SLIT3: variants seen among roughly 807,000 people sequenced by gnomAD.
SLIT3 encodes slit homolog 3 protein.
Under a neutral mutation model 184.0 loss-of-function variants are expected in SLIT3, and 68 were observed. That is an observed-to-expected ratio of 0.37 (90% CI 0.30 to 0.45). The LOEUF (loss-of-function observed/expected upper bound fraction) is 0.45, where lower values mean the gene tolerates loss of function less well. Among genes scored for constraint, SLIT3 ranks in the 20% least tolerant of loss-of-function variants. The pLI, the probability that SLIT3 is intolerant of heterozygous loss-of-function variation, is 1.00. For synonymous variants in SLIT3, 831 were observed against 828.6 expected, an observed-to-expected ratio of 1.00 and a Z score of -0.05; for missense variants, 1,707 against 2,026.0, an observed-to-expected ratio of 0.84 and a Z score of 3.02.
intron 4 of SLIT3, among the ~76,000 whole-genome samples, chr5:168,906,307 C>T (rs990090680): frequency 1.2e-4 from 18 of 152,114 alleles, no homozygotes; most frequent in African/African-American, 2.9e-4. Flanking sequence ...TTGTCTCTAG[C>T]GATAAAGGAA....
chr5:168,798,951 C>G (rs1295363974), intron 9 of SLIT3, among the ~76,000 whole-genome samples: 2 of 152,190 alleles, frequency 1.3e-5, no homozygotes, highest in Non-Finnish European at 2.9e-5. Context: ...AGAGGTTGAG[C>G]TGGGTCTCAA....
intron 8 of SLIT3, among the ~76,000 whole-genome samples, chr5:168,811,928 A>G (rs1757169082): frequency 6.6e-6 from 1 of 152,242 alleles, no homozygotes; most frequent in African/African-American, 2.4e-5. Flanking sequence ...TCATTGCAGC[A>G]TTAGTCACAG....
intron 4 of SLIT3, among the ~76,000 whole-genome samples, chr5:169,168,061 A>G (rs974851465): frequency 6.6e-6 from 1 of 152,212 alleles, no homozygotes; most frequent in African/African-American, 2.4e-5. Context: ...AAAGACTGGC[A>G]CAAACATGAG....
intron 20 of SLIT3, among the ~76,000 whole-genome samples, chr5:168,739,739 C>G (rs1279800129): frequency 2.6e-5 from 4 of 152,218 alleles, no homozygotes; most frequent in Admixed American, 1.3e-4. Flanking sequence ...AGCCACCGCA[C>G]CCGGCTCCTC....
chr5:168,820,958 C>G (rs761502200), intron 7 of SLIT3, among the ~76,000 whole-genome samples: 2 of 152,140 alleles, frequency 1.3e-5, no homozygotes, highest in South Asian at 2.1e-4. Context: ...AGCCGTCCCC[C>G]CCAACCCCAT....
chr5:168,873,555 A>T (rs1276642995), intron 5 of SLIT3, among the ~76,000 whole-genome samples: 1 of 152,038 alleles, frequency 6.6e-6, no homozygotes, highest in Admixed American at 6.6e-5. Context: ...GCTTGAGCCC[A>T]GGAGGCAGAG....
At chr5:169,268,959 G>A (rs1185113736) in intron 1 of SLIT3, among the ~76,000 whole-genome samples, 4 of 152,136 alleles carry the variant, frequency 2.6e-5, no homozygotes, top group Non-Finnish European at 5.9e-5. Context: ...TATTATGAAA[G>A]CCAAAAATAG....
intron 3 of SLIT3, among the ~76,000 whole-genome samples, chr5:169,229,387 C>T (rs982880377): frequency 2.0e-5 from 3 of 152,166 alleles, no homozygotes; most frequent in East Asian, 1.9e-4. Context: ...AACGATAACT[C>T]GCATTGTTTT....
intron 4 of SLIT3, among the ~76,000 whole-genome samples, chr5:168,971,902 G>A (rs186425166): frequency 0.039 from 5,896 of 152,192 alleles, 159 homozygotes; most frequent in Middle Eastern, 0.065. Context: ...AGGCTACCTC[G>A]GGGAGCGAGA....
intron 4 of SLIT3, among the ~76,000 whole-genome samples, chr5:169,182,021 G>A (rs758008493): frequency 1.3e-5 from 2 of 152,030 alleles, no homozygotes; most frequent in Non-Finnish European, 2.9e-5. Flanking sequence ...CCCCAGACAC[G>A]CCAACAAGAG....
intron 4 of SLIT3, among the ~76,000 whole-genome samples, chr5:168,922,569 T>A (rs1470776104): frequency 6.8e-6 from 1 of 148,036 alleles, no homozygotes; most frequent in Non-Finnish European, 1.5e-5. Context: ...GATTAAGGAG[T>A]CTGCAAGGGG....
At chr5:169,135,999 C>T (rs1464484914) in intron 4 of SLIT3, among the ~76,000 whole-genome samples, 2 of 152,194 alleles carry the variant, frequency 1.3e-5, no homozygotes, top group African/African-American at 4.8e-5. Flanking sequence ...ACACAAACTC[C>T]TTTCTTTTCC....
Position 168,910,497 on chromosome 5 carries a change from A to G in SLIT3, c.414-27161T>C, listed in dbSNP as rs561315235. On this transcript the variant is annotated intron_variant, in intron 4 of 35. Transcript: ENST00000519560. The stretch of plus-strand genomic sequence containing the variant: ...GGTGGCTCACGCCTGTAATCTCAGC[A>G]CTTTGGGAGGCCGAGGCGGGTGGAT... Among the ~76,000 whole-genome samples the G allele has an allele frequency of 3.9e-5, 6 of 152,300 alleles. No homozygotes were observed. In the South Asian group the frequency reaches 1.2e-3, roughly 32 times the overall value.
intron 4 of SLIT3, among the ~76,000 whole-genome samples, chr5:169,190,559 A>C (rs1228772833): frequency 6.6e-6 from 1 of 152,344 alleles, no homozygotes; most frequent in African/African-American, 2.4e-5. Context: ...TTTCATTACT[A>C]TTCAAAGCCT....
At position 168,673,261 on chromosome 5, in the gene SLIT3, C is replaced by A. The variant is rs1438186783; in HGVS notation, c.3757G>T (p.Val1253Leu). ...CTCTTTGGAGTTCCTTTGTCCACTA[C>A]TAGGTTCAGGGTCTGGTTTAGCGTC... ...LVTLNQTLNL[V>L]VDKGTPKSLG... is the part of the protein sequence containing the mutation. Residue 1253 changes from valine to leucine, a missense_variant, in exon 33 of 36, where the codon GTA (valine) becomes TTA (leucine). By Grantham distance (32) the Val-to-Leu change is conservative. Transcript: ENST00000519560. The A allele has an allele frequency of 1.2e-6, 2 of 1,614,134 alleles. No homozygotes were observed. Among genetic ancestry groups the A allele is most frequent in the Non-Finnish European group, 1.7e-6 (2 of 1,180,034 alleles).
intron 23 of SLIT3, among the ~76,000 whole-genome samples, chr5:168,713,844 A>G (rs1043698725): frequency 6.6e-6 from 1 of 152,212 alleles, no homozygotes; most frequent in East Asian, 1.9e-4. Context: ...GTGAGGCCTG[A>G]GATTCTGCAT....
At chr5:169,161,860 T>C (rs1357144417) in intron 4 of SLIT3, among the ~76,000 whole-genome samples, 1 of 152,114 alleles carries the variant, frequency 6.6e-6, no homozygotes, top group East Asian at 1.9e-4. Flanking sequence ...TGGGTGACCC[T>C]GGGCAAGTCA....
At chr5:168,985,895 T>C (rs62378600) in intron 4 of SLIT3, among the ~76,000 whole-genome samples, 3,560 of 152,194 alleles carry the variant, frequency 0.023, 58 homozygotes, top group Non-Finnish European at 0.035. Context: ...TTTGAACCCC[T>C]GGTTAAATCA....
intron 20 of SLIT3, among the ~76,000 whole-genome samples, chr5:168,732,769 T>C (rs1763325974): frequency 6.6e-6 from 1 of 152,054 alleles, no homozygotes; most frequent in Non-Finnish European, 1.5e-5. Flanking sequence ...AGCCATATGA[T>C]GAAGAATGAA....
Sources: allele counts gnomAD v4.1 joint callset (sites outside exome capture counted in the v4.1 genomes callset), GRCh38; gene constraint gnomAD v4.1.1; transcripts MANE v1.5; gene names NCBI Gene and HGNC (gene_info 2026-07-23, HGNC 2026-07-21).